The following CFAP299 variants were observed in gnomAD, a reference collection of about 807,000 sequenced individuals.
CFAP299 encodes cilia and flagella associated protein 299, also known as cilia- and flagella-associated protein 299.
Under a neutral mutation model 27.0 loss-of-function variants are expected in CFAP299, and 21 were observed. That is an observed-to-expected ratio of 0.78 (90% CI 0.55 to 1.12). The LOEUF (loss-of-function observed/expected upper bound fraction) is 1.12, where lower values mean the gene tolerates loss of function less well. Among genes scored for constraint, CFAP299 ranks in the 50% most tolerant of loss-of-function variants. The pLI is 0.00. For missense variants in CFAP299, 310 were observed against 276.6 expected, an observed-to-expected ratio of 1.12 and a Z score of -0.86; for synonymous variants, 104 against 98.1, an observed-to-expected ratio of 1.06 and a Z score of -0.36.
intron 2 of CFAP299, among the ~76,000 whole-genome samples, chr4:80,471,889 A>G (rs1289024880): frequency 6.6e-6 from 1 of 152,120 alleles, no homozygotes; most frequent in Non-Finnish European, 1.5e-5. Context: ...GGCAGCACTG[A>G]CCCGCGGCCA....
intron 3 of CFAP299, among the ~76,000 whole-genome samples, chr4:80,704,440 G>A (rs1356609057): frequency 1.3e-5 from 2 of 151,618 alleles, no homozygotes; most frequent in African/African-American, 4.8e-5. Flanking sequence ...TGAATTTAAG[G>A]AATGCAGAGT....
At chr4:80,792,534 G>C (rs1347454078) in intron 3 of CFAP299, among the ~76,000 whole-genome samples, 1 of 152,102 alleles carries the variant, frequency 6.6e-6, no homozygotes, top group East Asian at 1.9e-4. Flanking sequence ...TGTCATTACA[G>C]TAATGGTATA....
rs115098213 is a variant in CFAP299 at position 80,730,081 on chromosome 4, T to C, written c.334-139912T>C. On this transcript the variant is annotated intron_variant, in intron 3 of 5. Transcript: ENST00000358105. The stretch of plus-strand genomic sequence containing the variant: ...ACCATTCAGACATTTGCCTGAAAAC[T>C]TACATGGACCAACTCTCAGTCACAT... Among the ~76,000 whole-genome samples the C allele has an allele frequency of 8.1e-3, 1,233 of 152,146 alleles. 15 individuals carry two copies. The highest frequency in any genetic ancestry group is 0.028 in the African/African-American group (1,162 of 41,512).
intron 2 of CFAP299, among the ~76,000 whole-genome samples, chr4:80,475,245 T>A (rs1327280129): frequency 6.6e-6 from 1 of 152,140 alleles, no homozygotes; most frequent in Non-Finnish European, 1.5e-5. Flanking sequence ...ATGAACACAT[T>A]TGCATTTGAA....
chr4:80,592,087 TATTA>T (rs1364223414), intron 3 of CFAP299, among the ~76,000 whole-genome samples: 2 of 152,184 alleles, frequency 1.3e-5, no homozygotes, highest in East Asian at 1.9e-4. Flanking sequence ...CATATTAAAA[TATTA>T]ATTAAGAGTT....
At chr4:80,388,266 C>T (rs1019468899) in intron 2 of CFAP299, 31 of 690,314 alleles carry the variant, frequency 4.5e-5, no homozygotes, top group Admixed American at 3.1e-4. Context: ...ATGGGCTGGT[C>T]CAGGGATGTG....
intron 3 of CFAP299, among the ~76,000 whole-genome samples, chr4:80,702,689 C>T (rs991742163): frequency 6.6e-6 from 1 of 151,836 alleles, no homozygotes; most frequent in African/African-American, 2.4e-5. Flanking sequence ...AAATATTTCA[C>T]ATTTTGTATT....
chr4:80,561,334 C>T (rs893073153), intron 2 of CFAP299, among the ~76,000 whole-genome samples: 5 of 152,076 alleles, frequency 3.3e-5, no homozygotes, highest in African/African-American at 1.2e-4. Flanking sequence ...AAAGACTTCC[C>T]AAGAATGATA....
At chr4:80,827,963 G>C (rs923501726) in intron 3 of CFAP299, among the ~76,000 whole-genome samples, 2 of 151,954 alleles carry the variant, frequency 1.3e-5, no homozygotes, top group Non-Finnish European at 1.5e-5. Flanking sequence ...ATATGAAATA[G>C]AATAAAATAC....
At chr4:80,831,422 TGGA>T (rs1227912513) in intron 3 of CFAP299, among the ~76,000 whole-genome samples, 7 of 152,228 alleles carry the variant, frequency 4.6e-5, no homozygotes, top group Admixed American at 1.3e-4. Context: ...AGTGGATATG[TGGA>T]GAAGTATCTA....
chr4:80,807,617 T>C (rs1728931081), intron 3 of CFAP299, among the ~76,000 whole-genome samples: 1 of 152,108 alleles, frequency 6.6e-6, no homozygotes, highest in African/African-American at 2.4e-5. Context: ...CTGGTACCTT[T>C]CAACCCTAGG....
intron 3 of CFAP299, among the ~76,000 whole-genome samples, chr4:80,722,417 C>CAA (rs549576773): frequency 0.011 from 1,256 of 109,364 alleles, 19 homozygotes; most frequent in African/African-American, 0.037. Flanking sequence ...AACTCCATCT[C>CAA]AAAAAAAAAA....
intron 4 of CFAP299, among the ~76,000 whole-genome samples, chr4:80,939,181 T>A (rs1158467079): frequency 6.6e-6 from 1 of 152,222 alleles, no homozygotes; most frequent in Admixed American, 6.6e-5. Context: ...TTTGGGAATC[T>A]TTGTGCATCA....
At position 80,620,049 on chromosome 4, in the gene CFAP299, T is replaced by C. The variant is rs141724158; in HGVS notation, c.333+36866T>C. Among the ~76,000 whole-genome samples the C allele has an allele frequency of 2.0e-3, 308 of 152,260 alleles. 1 individual carries two copies. Among genetic ancestry groups the C allele is most frequent in the Non-Finnish European group, 3.6e-3 (242 of 67,976 alleles). On this transcript the variant is annotated intron_variant, in intron 3 of 5. Transcript: ENST00000358105. Reference sequence around the variant, plus strand: ...GTGGAAACAATTTTTAAATATATGATATAAAGCACAAGGCATTATTTTGTC... The same window carrying C: ...GTGGAAACAATTTTTAAATATATGACATAAAGCACAAGGCATTATTTTGTC...
intron 4 of CFAP299, among the ~76,000 whole-genome samples, chr4:80,935,065 T>C (rs1736820576): frequency 6.6e-6 from 1 of 152,056 alleles, no homozygotes; most frequent in Non-Finnish European, 1.5e-5. Context: ...TGGTATAGCA[T>C]GTTTCCATTT....
chr4:80,437,489 A>G (rs923445522), intron 2 of CFAP299, among the ~76,000 whole-genome samples: 8 of 152,300 alleles, frequency 5.3e-5, no homozygotes, highest in Middle Eastern at 6.8e-3. Context: ...CCATAAGGGA[A>G]CACGATGGAG....
chr4:80,586,162 G>A (rs768165188), intron 3 of CFAP299, among the ~76,000 whole-genome samples: 1 of 151,772 alleles, frequency 6.6e-6, no homozygotes, highest in East Asian at 1.9e-4. Context: ...TGTAAGGTGG[G>A]AATTAAAAGA....
intron 2 of CFAP299, among the ~76,000 whole-genome samples, chr4:80,538,509 C>G (rs768987817): frequency 6.6e-6 from 1 of 151,988 alleles, no homozygotes; most frequent in Non-Finnish European, 1.5e-5. Flanking sequence ...AGAGCAACTT[C>G]CAGTTCTATA....
chr4:80,889,972 C>G (rs531274943), intron 4 of CFAP299, among the ~76,000 whole-genome samples: 1 of 152,172 alleles, frequency 6.6e-6, no homozygotes, highest in East Asian at 1.9e-4. Context: ...AATGAACATA[C>G]CTCAATGTAA....
Sources: allele counts gnomAD v4.1 joint callset (sites outside exome capture counted in the v4.1 genomes callset), GRCh38; gene constraint gnomAD v4.1.1; transcripts MANE v1.5; gene names NCBI Gene and HGNC (gene_info 2026-07-23, HGNC 2026-07-21).